The following NRXN3 variants were observed in gnomAD, a reference collection of about 807,000 sequenced individuals.
NRXN3 encodes neurexin 3.
NRXN3 carries 32 observed loss-of-function variants against 137.6 expected under a neutral mutation model. The observed-to-expected ratio is 0.23, with a 90% CI of 0.18 to 0.31. The LOEUF (loss-of-function observed/expected upper bound fraction) is 0.31. NRXN3 is among the 10% of genes least tolerant of loss of function. The pLI is 1.00. For missense variants in NRXN3, 1,574 were observed against 2,062.5 expected, an observed-to-expected ratio of 0.76 and a Z score of 4.59; for synonymous variants, 798 against 784.5, an observed-to-expected ratio of 1.02 and a Z score of -0.29.
intron 15 of NRXN3, among the ~76,000 whole-genome samples, chr14:79,062,611 C>A (rs769826115): frequency 6.6e-6 from 1 of 152,146 alleles, no homozygotes; most frequent in African/African-American, 2.4e-5. Flanking sequence ...TTTGTCAGGA[C>A]ACAAAGTGCG....
chr14:79,039,525 A>G (rs2099621672), intron 15 of NRXN3, among the ~76,000 whole-genome samples: 1 of 152,088 alleles, frequency 6.6e-6, no homozygotes, highest in Non-Finnish European at 1.5e-5. Flanking sequence ...TGCCTCTGAA[A>G]CACATGTTCT....
chr14:79,073,525 A>G (rs1353963557), intron 15 of NRXN3, among the ~76,000 whole-genome samples: 1 of 152,166 alleles, frequency 6.6e-6, no homozygotes, highest in African/African-American at 2.4e-5. Context: ...TGGGAGTCCT[A>G]GTTAATCTAT....
At chr14:79,314,976 G>A (rs1206188692) in intron 15 of NRXN3, among the ~76,000 whole-genome samples, 22 of 152,284 alleles carry the variant, frequency 1.4e-4, no homozygotes, top group Non-Finnish European at 2.9e-4. Context: ...TTGCCAGGAC[G>A]CCTGCTTATT....
chr14:79,198,318 A>G (rs737164), intron 15 of NRXN3, among the ~76,000 whole-genome samples: 2,003 of 152,334 alleles, frequency 0.013, 31 homozygotes, highest in Non-Finnish European at 0.022. Context: ...CCCTTGATCA[A>G]TTCTTCTTTT....
rs556864451 is a variant in NRXN3 at position 78,406,081 on chromosome 14, A to G, written c.757+108221A>G. Among the ~76,000 whole-genome samples the G allele has an allele frequency of 3.9e-5, 6 of 152,330 alleles. No individual in the cohort carries two copies. The East Asian group carries it at 1.2e-3, about 29-fold the overall frequency. ...CATCTGTAAGAAAAGACATTCAGGA[A>G]AGACTTTTACAAGACAGTGCATGCT... On this transcript the variant is annotated intron_variant, in intron 4 of 20. Coordinates refer to ENST00000335750, the MANE Select transcript of NRXN3 (RefSeq NM_001330195.2).
intron 4 of NRXN3, among the ~76,000 whole-genome samples, chr14:78,498,048 T>C (rs997190555): frequency 6.6e-6 from 1 of 152,190 alleles, no homozygotes; most frequent in African/African-American, 2.4e-5. Flanking sequence ...TTAAGTATTA[T>C]GGAGACGGGG....
chr14:78,896,134 ATTG>A (rs2099173773), intron 10 of NRXN3, among the ~76,000 whole-genome samples: 1 of 151,904 alleles, frequency 6.6e-6, no homozygotes, highest in African/African-American at 2.4e-5. Context: ...TAAAAATGCA[ATTG>A]TTGTAAAATG....
chr14:78,443,768 T>C (rs774079477), intron 4 of NRXN3, among the ~76,000 whole-genome samples: 2 of 152,230 alleles, frequency 1.3e-5, no homozygotes, highest in African/African-American at 2.4e-5. Flanking sequence ...TGAAATAATG[T>C]GCTTAAAAAG....
intron 16 of NRXN3, among the ~76,000 whole-genome samples, chr14:79,658,528 G>T (rs2098517594): frequency 6.6e-6 from 1 of 152,154 alleles, no homozygotes; most frequent in Non-Finnish European, 1.5e-5. Flanking sequence ...CATGGCTCAG[G>T]AATGATACTC....
At position 78,327,653 on chromosome 14, in the gene NRXN3, G is replaced by A. The variant is rs976032804; in HGVS notation, c.757+29793G>A. 1.3e-4 allele frequency among the ~76,000 whole-genome samples: 20 copies of A among 152,064 alleles called. 1 individual carries two copies. Among genetic ancestry groups the A allele is most frequent in the African/African-American group, 1.9e-4 (8 of 41,380 alleles). ...AATATTTATGGAATGCCTATTATCC[G>A]CCTACTGCTCTTGTAGATACTGGGC... On this transcript the variant is annotated intron_variant, in intron 4 of 20. Coordinates refer to ENST00000335750, the MANE Select transcript of NRXN3 (RefSeq NM_001330195.2).
intron 4 of NRXN3, among the ~76,000 whole-genome samples, chr14:78,533,687 C>G (rs921644979): frequency 6.6e-6 from 1 of 152,196 alleles, no homozygotes; most frequent in Non-Finnish European, 1.5e-5. Context: ...TCTTAGTTAA[C>G]TCGTGGTCAT....
chr14:79,200,753 T>G (rs2065859903), intron 15 of NRXN3, among the ~76,000 whole-genome samples: 1 of 151,892 alleles, frequency 6.6e-6, no homozygotes, highest in South Asian at 2.1e-4. Context: ...TGTTCTGATA[T>G]TCAATGGCAC....
intron 8 of NRXN3, among the ~76,000 whole-genome samples, chr14:78,780,858 T>G (rs1464852152): frequency 6.6e-6 from 1 of 152,182 alleles, no homozygotes; most frequent in African/African-American, 2.4e-5. Context: ...AGAGTGGGAA[T>G]GTGAATTGAG....
chr14:78,796,191 C>T (rs918887), intron 8 of NRXN3, among the ~76,000 whole-genome samples: 112,792 of 152,138 alleles, frequency 0.74, 45,848 homozygotes, highest in Non-Finnish European at 0.91. Context: ...AATAATAATG[C>T]GTGTCCAATT....
intron 4 of NRXN3, among the ~76,000 whole-genome samples, chr14:78,549,930 A>G (rs2096670330): frequency 6.6e-6 from 1 of 151,958 alleles, no homozygotes; most frequent in South Asian, 2.1e-4. Flanking sequence ...CTTTATCATC[A>G]TTACTATCCC....
intron 3 of NRXN3, among the ~76,000 whole-genome samples, chr14:78,292,763 C>T (rs893206640): frequency 5.3e-5 from 8 of 152,148 alleles, no homozygotes; most frequent in Non-Finnish European, 1.0e-4. Flanking sequence ...GGTGTGGTCC[C>T]CTCTGCTTCC....
At chr14:78,589,297 T>C (rs2097095082) in intron 4 of NRXN3, among the ~76,000 whole-genome samples, 1 of 152,154 alleles carries the variant, frequency 6.6e-6, no homozygotes, top group African/African-American at 2.4e-5. Flanking sequence ...GCTGCTGCCT[T>C]TGGCTGAGTC....
chr14:79,418,831 G>A (rs915789648), intron 15 of NRXN3, among the ~76,000 whole-genome samples: 1 of 152,186 alleles, frequency 6.6e-6, no homozygotes, highest in South Asian at 2.1e-4. Context: ...TGGAGCACTT[G>A]GCCAGGCAAG....
At chr14:78,176,608 C>T (rs2153338303) in intron 1 of NRXN3, among the ~76,000 whole-genome samples, 1 of 152,216 alleles carries the variant, frequency 6.6e-6, no homozygotes, top group South Asian at 2.1e-4. Context: ...ATTCAGTGCC[C>T]TCAAGTACAA....
Sources: allele counts gnomAD v4.1 joint callset (sites outside exome capture counted in the v4.1 genomes callset), GRCh38; gene constraint gnomAD v4.1.1; transcripts MANE v1.5; gene names NCBI Gene and HGNC (gene_info 2026-07-23, HGNC 2026-07-21).